The following FBXL13 variants were observed in gnomAD, a reference collection of about 807,000 sequenced individuals.
The protein encoded by FBXL13 is F-box and leucine-rich repeat protein 13.
In FBXL13, 67 loss-of-function variants were observed where a neutral mutation model predicts 83.6. That is an observed-to-expected ratio of 0.80 (90% CI 0.66 to 0.98). The LOEUF (loss-of-function observed/expected upper bound fraction) is 0.98. Ranked by LOEUF, FBXL13 falls within the 50% of genes least tolerant of loss-of-function variation. FBXL13 has a pLI of 0.00. For synonymous variants in FBXL13, 272 were observed against 299.5 expected, an observed-to-expected ratio of 0.91 and a Z score of 0.95; for missense variants, 822 against 866.5, an observed-to-expected ratio of 0.95 and a Z score of 0.64.
chr7:102,999,049 G>T (rs1283911320), intron 6 of FBXL13, among the ~76,000 whole-genome samples: 2 of 151,782 alleles, frequency 1.3e-5, no homozygotes, highest in Non-Finnish European at 2.9e-5. Flanking sequence ...GACGTTAGTT[G>T]TGGGTTCACC....
rs187436287 is a variant in FBXL13, at chr7:103,041,618, T to C, written c.1-12200A>G. Among the ~76,000 whole-genome samples the C allele has an allele frequency of 1.6e-4, 24 of 152,282 alleles. No individual in the cohort carries two copies. In the East Asian group the frequency reaches 4.2e-3, roughly 27 times the overall value. The stretch of plus-strand genomic sequence containing the variant: ...ATCCAGCAGCACATCAAAAAGCTTA[T>C]CCACCACAATCAAGTTGGCTTCATC... On this transcript the variant is annotated intron_variant, in intron 2 of 19. Coordinates refer to ENST00000313221, the Ensembl canonical transcript of FBXL13.
Position 102,841,922 on chromosome 7 carries a change from C to T in FBXL13, c.1720-8948G>A, listed in dbSNP as rs548411473. ...TCCAGGTTTTGTAGGGGGTTGCTTT[C>T]TCCACAAGCTACCAGATATCCCCAC... On this transcript the variant is annotated intron_variant, in intron 17 of 19. Transcript: ENST00000313221. Among the ~76,000 whole-genome samples, 14 of 152,262 alleles carry T rather than the reference C, an allele frequency of 9.2e-5. No homozygotes were observed. In the East Asian group the frequency reaches 2.7e-3, roughly 29 times the overall value.
intron 17 of FBXL13, among the ~76,000 whole-genome samples, chr7:102,847,555 CTCTT>C (rs1362779263): frequency 3.3e-5 from 5 of 151,852 alleles, no homozygotes; most frequent in Non-Finnish European, 7.4e-5. Context: ...GACATGGAGT[CTCTT>C]TCTGTCGCCC....
chr7:102,843,840 G>A (rs1409546645), intron 17 of FBXL13, among the ~76,000 whole-genome samples: 1 of 151,942 alleles, frequency 6.6e-6, no homozygotes, highest in Non-Finnish European at 1.5e-5. Flanking sequence ...CAAGATTGAG[G>A]GTCTCAAAAA....
At chr7:102,837,119 C>G (rs1479324740) in intron 17 of FBXL13, among the ~76,000 whole-genome samples, 1 of 152,224 alleles carries the variant, frequency 6.6e-6, no homozygotes, top group Non-Finnish European at 1.5e-5. Context: ...AAGATATCTA[C>G]TTCGCATATC....
intron 7 of FBXL13, among the ~76,000 whole-genome samples, chr7:102,967,385 G>A (rs1018151745): frequency 1.3e-5 from 2 of 151,942 alleles, no homozygotes; most frequent in Non-Finnish European, 2.9e-5. Flanking sequence ...CAATTCTCCT[G>A]ACTCAGCCTC....
chr7:102,938,518 G>A (rs1343298987), intron 8 of FBXL13, among the ~76,000 whole-genome samples: 1 of 152,146 alleles, frequency 6.6e-6, no homozygotes, highest in East Asian at 1.9e-4. Flanking sequence ...GCTGGAGAAG[G>A]AGCAAGCTTG....
chr7:102,939,601 T>C (rs749936572), intron 8 of FBXL13: 7 of 1,595,152 alleles, frequency 4.4e-6, no homozygotes, highest in Admixed American at 1.8e-5. Flanking sequence ...TTCCCCTGTA[T>C]AGCCCCTTCA....
At chr7:102,893,775 A>G (rs1156469567) in intron 11 of FBXL13, among the ~76,000 whole-genome samples, 2 of 150,376 alleles carry the variant, frequency 1.3e-5, no homozygotes, top group Non-Finnish European at 3.0e-5. Context: ...CTCAAAAAAA[A>G]AAAAAAAAAG....
At chr7:102,921,571 T>C (rs1817036421) in intron 10 of FBXL13, among the ~76,000 whole-genome samples, 1 of 151,838 alleles carries the variant, frequency 6.6e-6, no homozygotes, top group Non-Finnish European at 1.5e-5. Flanking sequence ...TCCCAGCTAC[T>C]TGGGAGGCTG....
At chr7:102,893,908 A>G (rs1324788307) in intron 11 of FBXL13, among the ~76,000 whole-genome samples, 2 of 149,246 alleles carry the variant, frequency 1.3e-5, no homozygotes, top group Non-Finnish European at 3.0e-5. Flanking sequence ...GAAGGGAGGG[A>G]GGGGAAAGAA....
chr7:102,884,135 AT>A, intron 12 of FBXL13, 78 bp downstream of exon 13: 1 of 1,031,740 alleles, frequency 9.7e-7, no homozygotes, highest in Non-Finnish European at 1.5e-6. Context: ...GTCCATTCAT[AT>A]TTTTCAGTAA....
At chr7:102,867,696 T>TATATATATATATA (rs1491494721) in intron 16 of FBXL13, among the ~76,000 whole-genome samples, 4 of 35,794 alleles carry the variant, frequency 1.1e-4, no homozygotes, top group African/African-American at 4.6e-4. Context: ...TATATATATA[T>TATATATATATATA]TTTTTTTTTT....
chr7:103,033,182 C>CT (rs1227519277), intron 2 of FBXL13, among the ~76,000 whole-genome samples: 4 of 151,996 alleles, frequency 2.6e-5, no homozygotes, highest in South Asian at 2.1e-4. Flanking sequence ...TTTTGTTTTT[C>CT]TTTTTTTTCT....
chr7:102,934,725 T>C (rs1819958226), intron 8 of FBXL13: 1 of 1,494,858 alleles, frequency 6.7e-7, no homozygotes, highest in South Asian at 1.3e-5. Context: ...ATGAATAACT[T>C]GAAATGCTCT....
At chr7:102,916,895 T>C (rs1354633393) in intron 10 of FBXL13, among the ~76,000 whole-genome samples, 2 of 152,202 alleles carry the variant, frequency 1.3e-5, no homozygotes. Flanking sequence ...ACAAAGATTT[T>C]TTTTTCTCCT....
At chr7:102,965,465 A>C (rs1188447122) in intron 7 of FBXL13, among the ~76,000 whole-genome samples, 2 of 152,232 alleles carry the variant, frequency 1.3e-5, no homozygotes, top group Non-Finnish European at 2.9e-5. Flanking sequence ...TTATTACTTC[A>C]AAAATACATG....
chr7:102,932,043 T>C (rs1819281967), intron 8 of FBXL13, 110 bp from the exon 10 acceptor site: 2 of 1,020,562 alleles, frequency 2.0e-6, no homozygotes, highest in East Asian at 5.3e-5. Context: ...AACAAAAACC[T>C]TGGCAAGTAA....
intron 2 of FBXL13, chr7:103,030,259 T>G (rs1485333520): frequency 6.6e-6 from 1 of 152,202 alleles, no homozygotes; most frequent in East Asian, 1.9e-4. Context: ...AGATATGGCA[T>G]ACACATGTTC....
Sources: gnomAD v4.1 joint callset for allele counts (sites outside exome capture counted in the v4.1 genomes callset) on GRCh38, gnomAD v4.1.1 for gene constraint, MANE v1.5 for transcripts, NCBI Gene and HGNC (gene_info 2026-07-23, HGNC 2026-07-21) for gene names.